The following RORA variants were observed in gnomAD, a reference collection of about 807,000 sequenced individuals.
RORA encodes RAR related orphan receptor A, also known as nuclear receptor ROR-alpha.
RORA carries 7 observed loss-of-function variants against 69.5 expected under a neutral mutation model. That is an observed-to-expected ratio of 0.10 (90% CI 0.06 to 0.19). The LOEUF (loss-of-function observed/expected upper bound fraction) is 0.19, where lower values mean the gene tolerates loss of function less well. Among genes scored for constraint, RORA ranks in the 10% least tolerant of loss-of-function variants. The probability of loss-of-function intolerance (pLI) is 1.00; values close to 1 mark genes in which losing one functional copy is unlikely to be tolerated. For synonymous variants in RORA, 261 were observed against 240.8 expected, an observed-to-expected ratio of 1.08 and a Z score of -0.78; for missense variants, 457 against 663.0, an observed-to-expected ratio of 0.69 and a Z score of 3.41.
At chr15:60,867,202 G>C (rs1470078777) in intron 1 of RORA, among the ~76,000 whole-genome samples, 1 of 152,144 alleles carries the variant, frequency 6.6e-6, no homozygotes, top group African/African-American at 2.4e-5. Context: ...AATTTAGTAA[G>C]AAAACTGTTG....
At chr15:60,574,061 G>T (rs1008599203) in intron 2 of RORA, among the ~76,000 whole-genome samples, 1 of 152,106 alleles carries the variant, frequency 6.6e-6, no homozygotes, top group Non-Finnish European at 1.5e-5. Flanking sequence ...ACCTAATCTC[G>T]GAATCTGGAA....
chr15:61,098,402 C>T (rs1397965392), intron 1 of RORA, among the ~76,000 whole-genome samples: 3 of 151,962 alleles, frequency 2.0e-5, no homozygotes, highest in East Asian at 1.9e-4. Context: ...AGTGCAGTGG[C>T]GTGATCACAG....
intron 8 of RORA, 87 bp downstream of exon 8, chr15:60,502,673 T>C: frequency 1.2e-6 from 1 of 859,110 alleles, no homozygotes; most frequent in Non-Finnish European, 1.9e-6. Flanking sequence ...AATAAAGTTT[T>C]CATTTTGTCC....
chr15:60,639,529 C>T (rs111409967), intron 2 of RORA, among the ~76,000 whole-genome samples: 2 of 152,110 alleles, frequency 1.3e-5, no homozygotes, highest in South Asian at 2.1e-4. Context: ...AATTTCCTTC[C>T]GCTCAGATAC....
chr15:60,995,387 T>C (rs933685737), intron 1 of RORA, among the ~76,000 whole-genome samples: 1 of 152,194 alleles, frequency 6.6e-6, no homozygotes, highest in Non-Finnish European at 1.5e-5. Context: ...CGAGGCCTCC[T>C]GGCCTTCAGG....
chr15:61,067,150 C>A (rs1243767279), intron 1 of RORA, among the ~76,000 whole-genome samples: 1 of 148,004 alleles, frequency 6.8e-6, no homozygotes, highest in Non-Finnish European at 1.5e-5. Flanking sequence ...CTCACTCTGT[C>A]ACCCAAACTG....
intron 1 of RORA, among the ~76,000 whole-genome samples, chr15:60,987,642 C>A (rs969201854): frequency 6.6e-6 from 1 of 152,136 alleles, no homozygotes; most frequent in East Asian, 1.9e-4. Context: ...GGGATTTCAT[C>A]GTCTCCCCAG....
At chr15:60,498,769 C>T (rs1052268166) in intron 10 of RORA, among the ~76,000 whole-genome samples, 9 of 151,784 alleles carry the variant, frequency 5.9e-5, no homozygotes, top group Non-Finnish European at 1.2e-4. Context: ...CATTCCTGCC[C>T]GTTTGCTCAT....
chr15:60,967,943 T>C (rs1289964062), intron 1 of RORA, among the ~76,000 whole-genome samples: 4 of 152,220 alleles, frequency 2.6e-5, no homozygotes, highest in African/African-American at 9.6e-5. Flanking sequence ...CAAACTCCCA[T>C]CACAGAACAC....
intron 1 of RORA, among the ~76,000 whole-genome samples, chr15:60,997,096 A>G (rs1186700003): frequency 6.6e-6 from 1 of 151,790 alleles, no homozygotes; most frequent in Non-Finnish European, 1.5e-5. Context: ...TAAACTGAAA[A>G]CAAAATATGT....
chr15:60,874,094 C>T (rs1051196504), intron 1 of RORA, among the ~76,000 whole-genome samples: 1 of 152,066 alleles, frequency 6.6e-6, no homozygotes, highest in Non-Finnish European at 1.5e-5. Context: ...TCTGGCATCC[C>T]TTTTTTGGCT....
At chr15:60,592,704 G>T in intron 2 of RORA, 1 of 1,050,044 alleles carries the variant, frequency 9.5e-7, no homozygotes, top group Non-Finnish European at 1.1e-6. Context: ...CCGCGGGCAG[G>T]TGAGTAGCAG....
chr15:60,806,942 C>T (rs2072667480), intron 1 of RORA, among the ~76,000 whole-genome samples: 1 of 152,100 alleles, frequency 6.6e-6, no homozygotes, highest in African/African-American at 2.4e-5. Context: ...ATGACAAACC[C>T]ACAGCCAACA....
In RORA at chr15:61,004,766, C is replaced by T. The variant is rs542400110; in HGVS notation, c.166+224287G>A. On this transcript the variant is annotated intron_variant, in intron 1 of 10. Coordinates refer to ENST00000335670, the MANE Select transcript of RORA (RefSeq NM_134261.3). ...GAACACACACCTGCAAACGTTGCCACGGTTAGATTTTTTAAAGTGTAAAGA... is the reference window on the plus strand; with the variant it reads ...GAACACACACCTGCAAACGTTGCCATGGTTAGATTTTTTAAAGTGTAAAGA... Among the ~76,000 whole-genome samples the T allele has an allele frequency of 3.5e-4, 53 of 152,102 alleles. 1 individual carries two copies. The highest frequency in any genetic ancestry group is 1.2e-3 in the African/African-American group (48 of 41,482).
At chr15:60,804,032 G>A (rs1312734226) in intron 1 of RORA, among the ~76,000 whole-genome samples, 1 of 152,056 alleles carries the variant, frequency 6.6e-6, no homozygotes, top group East Asian at 1.9e-4. Context: ...GCTCATGCCT[G>A]TAATCCCAAC....
intron 1 of RORA, among the ~76,000 whole-genome samples, chr15:60,743,016 A>ATT (rs33922947): frequency 0.017 from 1,784 of 105,144 alleles, 55 homozygotes; most frequent in South Asian, 0.031. Flanking sequence ...CATTCATTCT[A>ATT]TTTTTTTTTT....
At chr15:61,075,678 T>C (rs1023060270) in intron 1 of RORA, among the ~76,000 whole-genome samples, 3 of 152,184 alleles carry the variant, frequency 2.0e-5, no homozygotes, top group Non-Finnish European at 4.4e-5. Context: ...CTAATGAGGT[T>C]AATGGATTTT....
rs535596081 is a variant in RORA, at chr15:61,170,158, T to C, written c.166+58895A>G. On this transcript the variant is annotated intron_variant, in intron 1 of 10. Transcript: ENST00000335670. Reference sequence around the variant, plus strand: ...TATTGGTTTCCTGTGGCTGCAGTGATCAATTACCATAAATGCAGTGGCTTA... The same window carrying C: ...TATTGGTTTCCTGTGGCTGCAGTGACCAATTACCATAAATGCAGTGGCTTA... 4.1e-4 allele frequency among the ~76,000 whole-genome samples: 63 copies of C among 152,330 alleles called. No individual in the cohort carries two copies. The South Asian group carries it at 4.1e-3, about 10-fold the overall frequency.
chr15:61,180,433 C>T lies in RORA; in HGVS notation c.166+48620G>A, dbSNP rs1488004171. Among the ~76,000 whole-genome samples the T allele has an allele frequency of 2.6e-5, 4 of 152,162 alleles. 1 individual carries two copies. Among genetic ancestry groups the T allele is most frequent in the Non-Finnish European group, 5.9e-5 (4 of 68,038 alleles). On this transcript the variant is annotated intron_variant, in intron 1 of 10. Transcript: ENST00000335670. The stretch of plus-strand genomic sequence containing the variant: ...CTTACATGGTTCAGTGCTTATAACC[C>T]TACAAGGTTATAGGGTCATTTGTGC...
Sources: allele counts gnomAD v4.1 joint callset (sites outside exome capture counted in the v4.1 genomes callset), GRCh38; gene constraint gnomAD v4.1.1; transcripts MANE v1.5; gene names NCBI Gene and HGNC (gene_info 2026-07-23, HGNC 2026-07-21).